TRNAU1AP: variants seen among roughly 807,000 people sequenced by gnomAD.
TRNAU1AP encodes tRNA selenocysteine 1 associated protein 1.
In TRNAU1AP, 33 loss-of-function variants were observed where a neutral mutation model predicts 43.3. That is an observed-to-expected ratio of 0.76 (90% CI 0.58 to 1.02). TRNAU1AP has a LOEUF of 1.02. Ranked by LOEUF, TRNAU1AP falls within the 50% of genes least tolerant of loss-of-function variation. The probability of loss-of-function intolerance (pLI) is 0.00; values close to 1 mark genes in which losing one functional copy is unlikely to be tolerated. For synonymous variants in TRNAU1AP, 143 were observed against 129.1 expected (o/e 1.11, Z -0.73); for missense variants, 290 against 362.7 (o/e 0.80, Z 1.63).
chr1:28,553,085 G>A lies in TRNAU1AP; in HGVS notation c.-26G>A. 3.3e-6 allele frequency: 5 copies of A among 1,523,820 alleles called. No homozygotes were observed. Among genetic ancestry groups the A allele is most frequent in the African/African-American group, 1.4e-5 (1 of 70,580 alleles). 94.4% of individuals were successfully genotyped at this position (1,523,820 alleles called of 1,614,324 possible). A position where few individuals can be genotyped will look rare whatever the true frequency, so the allele number is the denominator to read the frequency against. ...GAGCCCCGCCCGCAGAGCCCCGCCCGCAAAGCCCCACCCCGGTGCGCGGGT... is the reference window on the plus strand; with the variant it reads ...GAGCCCCGCCCGCAGAGCCCCGCCCACAAAGCCCCACCCCGGTGCGCGGGT... On this transcript the variant is annotated 5_prime_UTR_variant, in exon 1 of 9. Coordinates refer to ENST00000373830, the MANE Select transcript of TRNAU1AP (RefSeq NM_017846.5).
chr1:28,562,968 T>C (rs1197564908), intron 4 of TRNAU1AP, among the ~76,000 whole-genome samples: 1 of 149,664 alleles, frequency 6.7e-6, no homozygotes, highest in African/African-American at 2.5e-5. Context: ...TGATCTTGGC[T>C]CACTGCAATC....
At chr1:28,560,837 C>T in intron 3 of TRNAU1AP, 105 bp downstream of exon 3, 1 of 1,018,586 alleles carries the variant, frequency 9.8e-7, no homozygotes, top group Non-Finnish European at 1.4e-6. Context: ...CCTAAAACAA[C>T]CCTTTACAGT....
In TRNAU1AP at chr1:28,567,382, C is replaced by A; in HGVS notation, c.499C>A (p.Pro167Thr). ...GGGAGCAGTGGGACTGGGGTCTAAGCCTGTGCGGCTGAGCGTGGCAATCCC... is the reference window on the plus strand; with the variant it reads ...GGGAGCAGTGGGACTGGGGTCTAAGACTGTGCGGCTGAGCGTGGCAATCCC... ...CQGAVGLGSK[P>T]VRLSVAIPKA... Residue 167 changes from proline to threonine, a missense_variant, in exon 6 of 9, where the codon CCT becomes ACT. Around this residue, in one of 3 missense-constraint regions of TRNAU1AP, gnomAD observed 174 missense variants for 262.1 expected, o/e 0.66. Coordinates refer to ENST00000373830, the MANE Select transcript of TRNAU1AP (RefSeq NM_017846.5). The A allele has an allele frequency of 6.2e-7, 1 of 1,612,336 alleles. No individual in the cohort carries two copies. Among genetic ancestry groups the A allele is most frequent in the Non-Finnish European group, 8.5e-7 (1 of 1,179,654 alleles).
At chr1:28,558,895 G>A (rs1665340656) in intron 2 of TRNAU1AP, among the ~76,000 whole-genome samples, 1 of 152,014 alleles carries the variant, frequency 6.6e-6, no homozygotes, top group East Asian at 1.9e-4. Flanking sequence ...TAACCACAAT[G>A]CTTATATCAC....
intron 8 of TRNAU1AP, among the ~76,000 whole-genome samples, chr1:28,573,404 G>GC (rs1445320580): frequency 6.6e-6 from 1 of 151,630 alleles, no homozygotes; most frequent in Non-Finnish European, 1.5e-5. Flanking sequence ...CCTTTGGGAG[G>GC]CCAAGGAGGG....
At chr1:28,566,614 C>T (rs1570253602) in intron 5 of TRNAU1AP, among the ~76,000 whole-genome samples, 1 of 151,918 alleles carries the variant, frequency 6.6e-6, no homozygotes, top group South Asian at 2.1e-4. Flanking sequence ...AAAAAATCAG[C>T]TGGGCATGGT....
intron 5 of TRNAU1AP, among the ~76,000 whole-genome samples, chr1:28,566,186 G>A (rs1001351732): frequency 6.6e-6 from 1 of 151,508 alleles, no homozygotes; most frequent in Non-Finnish European, 1.5e-5. Context: ...ATGGTGGTGC[G>A]TGCCTGTAGT....
At chr1:28,574,535 G>A (rs1402519610) in intron 8 of TRNAU1AP, 3 of 152,136 alleles carry the variant, frequency 2.0e-5, no homozygotes, top group African/African-American at 7.2e-5. Flanking sequence ...TCAGTGAGCT[G>A]TGACTACAGT....
chr1:28,553,843 T>C, intron 2 of TRNAU1AP, 106 bp downstream of exon 2: 1 of 994,136 alleles, frequency 1.0e-6, no homozygotes, highest in Non-Finnish European at 1.5e-6. Context: ...TAATAGTCAC[T>C]GTAAAATTAT....
intron 6 of TRNAU1AP, among the ~76,000 whole-genome samples, chr1:28,568,821 T>G (rs924197971): frequency 6.6e-6 from 1 of 151,948 alleles, no homozygotes; most frequent in Non-Finnish European, 1.5e-5. Flanking sequence ...CTATTTTTTT[T>G]TTTTTTTTGA....
At chr1:28,564,563 A>G in intron 4 of TRNAU1AP, 140 bp from the exon 5 acceptor site, 1 of 1,016,588 alleles carries the variant, frequency 9.8e-7, no homozygotes, top group South Asian at 1.7e-5. Context: ...CTGATGAAAC[A>G]AAGTAGGGGC....
Position 28,578,033 on chromosome 1 carries a change from C to T in TRNAU1AP, c.*397C>T, listed in dbSNP as rs537549581. On this transcript the variant is annotated 3_prime_UTR_variant, in exon 9 of 9. Transcript: ENST00000373830. ...TTTGTAGGACCTGCCATATTTGAGT[C>T]CTAACTTGGTGCAAGTCTGGCAGCT... 6.1e-6 allele frequency: 1 copy of T among 163,936 alleles called. No homozygotes were observed. Among genetic ancestry groups the T allele is most frequent in the Admixed American group, 6.1e-5 (1 of 16,374 alleles). The allele number at this position is 163,936 out of a possible 1,614,324, so 10.2% of individuals were successfully genotyped here.
Position 28,561,407 on chromosome 1 carries a change from A to G in TRNAU1AP, c.278+9A>G. On this transcript the variant is annotated intron_variant, in intron 4 of 8. Coordinates refer to ENST00000373830, the MANE Select transcript of TRNAU1AP (RefSeq NM_017846.5). ...AAACAACCAGATAACAGGTAGGTACAAAGTCATGTCTAGACAGACATAAGA... is the reference window on the plus strand; with the variant it reads ...AAACAACCAGATAACAGGTAGGTACGAAGTCATGTCTAGACAGACATAAGA... The G allele has an allele frequency of 1.2e-6, 2 of 1,614,072 alleles. No homozygotes were observed. The highest frequency in any genetic ancestry group is 1.6e-4 in the Middle Eastern group (1 of 6,062).
chr1:28,561,424 G>A, intron 4 of TRNAU1AP, 26 bp downstream of exon 4: 1 of 1,613,518 alleles, frequency 6.2e-7, no homozygotes, highest in Non-Finnish European at 8.5e-7. Flanking sequence ...TGTCTAGACA[G>A]ACATAAGATG....
In TRNAU1AP at chr1:28,569,521, C is replaced by G. The variant is rs1011896133; in HGVS notation, c.531-1655C>G. Among the ~76,000 whole-genome samples the G allele has an allele frequency of 5.3e-5, 8 of 150,950 alleles. No homozygotes were observed. In the Admixed American group the frequency reaches 5.3e-4, roughly 10 times the overall value. ...CCTTGCTAACATGGTGAAACCCCGT[C>G]TCTACTAAAAATACAAAAAATTAGC... On this transcript the variant is annotated intron_variant, in intron 6 of 8. Coordinates refer to ENST00000373830, the MANE Select transcript of TRNAU1AP (RefSeq NM_017846.5).
rs772809863 is a variant in TRNAU1AP at position 28,553,687 on chromosome 1, C to T, written c.75C>T (p.Thr25=). 6.2e-7 allele frequency: 1 copy of T among 1,614,178 alleles called. No individual in the cohort carries two copies. Among genetic ancestry groups the T allele is most frequent in the Admixed American group, 1.7e-5 (1 of 60,014 alleles). The change falls in exon 2 of 9, where the codon ACC becomes ACT. Residue 25 remains threonine (T), a synonymous_variant. Transcript: ENST00000373830. The stretch of plus-strand genomic sequence containing the variant: ...ACTTCATCTCCAGAGCCTTTGCCAC[C>T]ATGGGGGAGACCGTAATGAGCGTCA... ...DENFISRAFA[T]MGETVMSVKI...
chr1:28,559,156 C>T (rs1260215511), intron 2 of TRNAU1AP, among the ~76,000 whole-genome samples: 2 of 151,998 alleles, frequency 1.3e-5, no homozygotes, highest in African/African-American at 2.4e-5. Context: ...ACTGCAGCCT[C>T]TGCCTCCCGG....
At chr1:28,575,049 A>G (rs1665743285) in intron 8 of TRNAU1AP, among the ~76,000 whole-genome samples, 1 of 152,076 alleles carries the variant, frequency 6.6e-6, no homozygotes, top group Admixed American at 6.6e-5. Flanking sequence ...TTTTATATTC[A>G]AGTCTCTAGT....
intron 2 of TRNAU1AP, among the ~76,000 whole-genome samples, chr1:28,554,809 A>T (rs865944246): frequency 6.7e-6 from 1 of 148,648 alleles, no homozygotes. Context: ...GCTCCACTCC[A>T]CTCCAGCCTG....
Sources: gnomAD v4.1 joint callset for allele counts (sites outside exome capture counted in the v4.1 genomes callset) on GRCh38, gnomAD v4.1.1 for gene constraint, gnomAD v4.1.1 regional missense constraint, MANE v1.5 for transcripts, NCBI Gene and HGNC (gene_info 2026-07-23, HGNC 2026-07-21) for gene names.